ANK3: variants seen among roughly 807,000 people sequenced by gnomAD.
ANK3 encodes ankyrin 3, also known as ankyrin-3.
In ANK3, 57 loss-of-function variants were observed where a neutral mutation model predicts 370.9. The observed-to-expected ratio is 0.15, with a 90% CI of 0.12 to 0.19. The LOEUF is 0.19. Among genes scored for constraint, ANK3 ranks in the 10% least tolerant of loss-of-function variants. ANK3 has a pLI of 1.00. For synonymous variants in ANK3, 1,929 were observed against 1,946.3 expected (o/e 0.99, Z 0.23); for missense variants, 4,439 against 5,302.1 (o/e 0.84, Z 5.06).
chr10:60,318,711 A>T (rs751421684), intron 1 of ANK3, among the ~76,000 whole-genome samples: 1 of 152,180 alleles, frequency 6.6e-6, no homozygotes, highest in African/African-American at 2.4e-5. Flanking sequence ...CACCAAGAAG[A>T]AAAGGTCACT....
intron 2 of ANK3, among the ~76,000 whole-genome samples, chr10:60,415,916 G>GCC (rs202007204): frequency 0.014 from 1,107 of 79,986 alleles, 9 homozygotes; most frequent in Non-Finnish European, 0.02. Flanking sequence ...CTGAATTTGT[G>GCC]CCCCCCACCC....
intron 1 of ANK3, among the ~76,000 whole-genome samples, chr10:60,627,002 G>A (rs1462220242): frequency 6.6e-6 from 1 of 152,080 alleles, no homozygotes; most frequent in Non-Finnish European, 1.5e-5. Flanking sequence ...AGATAGGAGG[G>A]AGAAAGAGAA....
At chr10:60,287,403 T>G (rs1258548210) in intron 1 of ANK3, among the ~76,000 whole-genome samples, 5 of 152,270 alleles carry the variant, frequency 3.3e-5, no homozygotes, top group African/African-American at 9.6e-5. Flanking sequence ...TTAAAAAATC[T>G]CCAGGAGGCT....
At chr10:60,118,337 C>G (rs1485413785) in intron 25 of ANK3, among the ~76,000 whole-genome samples, 1 of 152,218 alleles carries the variant, frequency 6.6e-6, no homozygotes, top group Non-Finnish European at 1.5e-5. Context: ...ACATGCAAGT[C>G]ACTATCTCAC....
chr10:60,341,377 T>C (rs1028936185), intron 1 of ANK3, among the ~76,000 whole-genome samples: 5 of 152,164 alleles, frequency 3.3e-5, no homozygotes, highest in African/African-American at 1.2e-4. Context: ...TTTGCATTCA[T>C]GCCTTGTCTT....
intron 2 of ANK3, among the ~76,000 whole-genome samples, chr10:60,489,505 C>A (rs1461430976): frequency 1.3e-5 from 2 of 152,094 alleles, no homozygotes; most frequent in Non-Finnish European, 2.9e-5. Flanking sequence ...CATCTGTGAT[C>A]ATATAACTCA....
At position 60,072,681 on chromosome 10, in the gene ANK3, A is replaced by T; in HGVS notation, c.8200T>A (p.Ser2734Thr). The stretch of plus-strand genomic sequence containing the variant: ...CCATCTGACTTTCTGTCTTCTTGAG[A>T]CATGTCCTTACTTTTTGCGTGTGTG... ...QGTHAKSKDM[S>T]QEDRKSDGQS... Residue 2734 changes from serine to threonine, a missense_variant, in exon 37 of 44, where the codon TCT becomes ACT. Physicochemically the swap from Ser to Thr is moderately conservative, Grantham distance 58 (BLOSUM62 1). Around this residue, in one of 13 missense-constraint regions of ANK3, gnomAD observed 1,601 missense variants for 1,731.7 expected, o/e 0.92. Coordinates refer to ENST00000280772, the MANE Select transcript of ANK3 (RefSeq NM_020987.5). 6.2e-7 allele frequency: 1 copy of T among 1,613,956 alleles called. No individual in the cohort carries two copies. The highest frequency in any genetic ancestry group is 8.5e-7 in the Non-Finnish European group (1 of 1,179,984).
chr10:60,262,959 A>G (rs2097829072), intron 6 of ANK3, among the ~76,000 whole-genome samples: 1 of 152,168 alleles, frequency 6.6e-6, no homozygotes, highest in Admixed American at 6.5e-5. Context: ...CTGCTATCTT[A>G]TCTGGCACAT....
At chr10:60,655,353 G>A (rs963954778) in intron 1 of ANK3, among the ~76,000 whole-genome samples, 28 of 152,132 alleles carry the variant, frequency 1.8e-4, no homozygotes, top group African/African-American at 6.5e-4. Flanking sequence ...AAATTGCTGA[G>A]GTGGAAGATG....
intron 28 of ANK3, 127 bp downstream of exon 28, chr10:60,105,778 G>C (rs2092083378): frequency 3.1e-6 from 3 of 958,234 alleles, no homozygotes; most frequent in Non-Finnish European, 4.4e-6. Flanking sequence ...AGCAACAAAA[G>C]CTGAAGAACT....
intron 1 of ANK3, among the ~76,000 whole-genome samples, chr10:60,387,915 A>G (rs1414956416): frequency 6.6e-6 from 1 of 152,218 alleles, no homozygotes; most frequent in African/African-American, 2.4e-5. Context: ...TATAGTGTCA[A>G]TATTAATATG....
chr10:60,161,985 A>T (rs1015954254), intron 23 of ANK3, among the ~76,000 whole-genome samples: 2 of 152,234 alleles, frequency 1.3e-5, no homozygotes, highest in Non-Finnish European at 2.9e-5. Flanking sequence ...TGATCATTAC[A>T]CATTGTATAA....
intron 1 of ANK3, among the ~76,000 whole-genome samples, chr10:60,629,335 T>C (rs1337477710): frequency 6.6e-6 from 1 of 152,202 alleles, no homozygotes; most frequent in Non-Finnish European, 1.5e-5. Flanking sequence ...GTTTTCAATT[T>C]CTATTTAATT....
At chr10:60,427,034 C>T (rs953001983) in intron 2 of ANK3, among the ~76,000 whole-genome samples, 12 of 152,054 alleles carry the variant, frequency 7.9e-5, no homozygotes, top group Non-Finnish European at 1.8e-4. Context: ...AATTCTATGC[C>T]ACCAGGCTGG....
intron 1 of ANK3, among the ~76,000 whole-genome samples, chr10:60,691,285 C>T (rs781637679): frequency 1.3e-5 from 2 of 152,096 alleles, no homozygotes; most frequent in South Asian, 2.1e-4. Context: ...CATGTACCCC[C>T]GAATCTAAAT....
At chr10:60,672,113 T>C (rs1278966558) in intron 1 of ANK3, among the ~76,000 whole-genome samples, 1 of 152,210 alleles carries the variant, frequency 6.6e-6, no homozygotes, top group Non-Finnish European at 1.5e-5. Context: ...AATTATGACA[T>C]TGCGATAAAT....
intron 9 of ANK3, 137 bp downstream of exon 9, chr10:60,213,275 T>C (rs935865472): frequency 1.9e-6 from 1 of 538,292 alleles, no homozygotes; most frequent in Non-Finnish European, 3.2e-6. Flanking sequence ...TATTCTGAGG[T>C]TCTATAAAGA....
At chr10:60,706,390 T>C (rs952730205) in intron 1 of ANK3, among the ~76,000 whole-genome samples, 12 of 151,980 alleles carry the variant, frequency 7.9e-5, no homozygotes, top group African/African-American at 2.9e-4. Context: ...CGGAGAGATG[T>C]CAGCCCCAAG....
At chr10:60,369,945 G>A (rs2059887607) in intron 1 of ANK3, among the ~76,000 whole-genome samples, 1 of 152,016 alleles carries the variant, frequency 6.6e-6, no homozygotes, top group East Asian at 1.9e-4. Flanking sequence ...TGGATTTTGG[G>A]GTAACGGCAT....
Sources: allele counts gnomAD v4.1 joint callset (sites outside exome capture counted in the v4.1 genomes callset), GRCh38; gene constraint gnomAD v4.1.1; regional missense constraint gnomAD v4.1.1; transcripts MANE v1.5; gene names NCBI Gene and HGNC (gene_info 2026-07-23, HGNC 2026-07-21).